IBTK: variants seen among roughly 807,000 people sequenced by gnomAD.
IBTK encodes the protein inhibitor of Bruton tyrosine kinase.
IBTK carries 83 observed loss-of-function variants against 154.9 expected under a neutral mutation model. That is an observed-to-expected ratio of 0.54 (90% CI 0.45 to 0.64). The LOEUF (loss-of-function observed/expected upper bound fraction) is 0.64, where lower values mean the gene tolerates loss of function less well. IBTK is among the 30% of genes least tolerant of loss of function. The pLI, the probability that IBTK is intolerant of heterozygous loss-of-function variation, is 0.00. For missense variants in IBTK, 1,332 were observed against 1,584.6 expected, an observed-to-expected ratio of 0.84 and a Z score of 2.71; for synonymous variants, 515 against 536.1, an observed-to-expected ratio of 0.96 and a Z score of 0.54.
At chr6:82,196,848 C>G (rs993949080) in intron 21 of IBTK, among the ~76,000 whole-genome samples, 3 of 152,130 alleles carry the variant, frequency 2.0e-5, no homozygotes, top group African/African-American at 7.2e-5. Flanking sequence ...GTCTCCGCAC[C>G]CAAGCAAGGG....
At chr6:82,227,040 T>A in intron 5 of IBTK, 152 bp downstream of exon 5, 1 of 531,886 alleles carries the variant, frequency 1.9e-6, no homozygotes, top group Non-Finnish European at 3.3e-6. Flanking sequence ...AATTTAAACA[T>A]GATATATCAG....
chr6:82,240,578 T>C lies in IBTK; in HGVS notation c.-92A>G, dbSNP rs1232556253. On this transcript the variant is annotated 5_prime_UTR_variant, in exon 2 of 29. Transcript: ENST00000306270. ...GACACAAAGGTGCTATTGAGGAAGT[T>C]ACAGAGAATAAATTACCTTTTTAGG... 4.0e-6 allele frequency: 4 copies of C among 995,580 alleles called. No homozygotes were observed. In the South Asian group the frequency reaches 6.3e-5, roughly 16 times the overall value. 61.7% of individuals were successfully genotyped at this position (995,580 alleles called of 1,614,324 possible). A position where few individuals can be genotyped will look rare whatever the true frequency, so the allele number is the denominator to read the frequency against.
intron 3 of IBTK, among the ~76,000 whole-genome samples, chr6:82,232,863 T>C (rs556595002): frequency 2.6e-5 from 4 of 151,732 alleles, no homozygotes; most frequent in African/African-American, 7.3e-5. Context: ...AAAAAAAGTA[T>C]AAAAATTGGC....
In IBTK at chr6:82,200,121, C is replaced by T. The variant is rs1769146552; in HGVS notation, c.3025+20G>A. On this transcript the variant is annotated intron_variant, in intron 21 of 28. Transcript: ENST00000306270. ...ACATAGAAGATTAGAACTGGAAATACATGCTCACTTTCCACGAACCTGTAG... is the reference window on the plus strand; with the variant it reads ...ACATAGAAGATTAGAACTGGAAATATATGCTCACTTTCCACGAACCTGTAG... 1 of 1,408,284 alleles carries T rather than the reference C, an allele frequency of 7.1e-7. No individual in the cohort carries two copies. Among genetic ancestry groups the T allele is most frequent in the African/African-American group, 1.4e-5 (1 of 70,164 alleles). The allele number at this position is 1,408,284 out of a possible 1,614,324, so 87.2% of individuals were successfully genotyped here.
intron 13 of IBTK, 125 bp from the exon 14 acceptor site, chr6:82,211,697 A>C: frequency 1.4e-6 from 1 of 695,726 alleles, no homozygotes; most frequent in Non-Finnish European, 2.5e-6. Flanking sequence ...ACTTGCAGGA[A>C]TACATACAAT....
chr6:82,200,708 T>C lies in IBTK; in HGVS notation c.2791A>G (p.Ile931Val). Residue 931 changes from isoleucine (I) to valine (V), a missense_variant and splice_region_variant, in exon 20 of 29, where the codon ATT becomes GTT. Coordinates refer to ENST00000306270, the MANE Select transcript of IBTK (RefSeq NM_015525.4). ...KDLSEFYRKM[I>V]PAMDRRVITP... ...ATGACTCTTCTATCCATTGCTGGAA[T>C]CTGCAGAATTGAAGATATCACTTTT... 1 of 1,541,472 alleles carries C rather than the reference T, an allele frequency of 6.5e-7. No homozygotes were observed. Among genetic ancestry groups the C allele is most frequent in the African/African-American group, 1.4e-5 (1 of 70,548 alleles).
At chr6:82,204,818 C>A in intron 17 of IBTK, 39 bp downstream of exon 17, 1 of 1,229,664 alleles carries the variant, frequency 8.1e-7, no homozygotes, top group South Asian at 1.4e-5. Flanking sequence ...CCTTGATGAA[C>A]CTGAAAACAT....
At chr6:82,193,678 A>C (rs1376786228) in intron 23 of IBTK, among the ~76,000 whole-genome samples, 1 of 152,006 alleles carries the variant, frequency 6.6e-6, no homozygotes, top group East Asian at 1.9e-4. Context: ...CTACTCATTT[A>C]ACTTTTCTTT....
intron 16 of IBTK, among the ~76,000 whole-genome samples, chr6:82,209,657 ATT>A (rs1360984808): frequency 1.3e-5 from 2 of 152,210 alleles, no homozygotes; most frequent in African/African-American, 4.8e-5. Context: ...AGTTGCACAA[ATT>A]CATAAACATA....
chr6:82,199,242 T>C (rs1769108588), intron 21 of IBTK, among the ~76,000 whole-genome samples: 1 of 152,006 alleles, frequency 6.6e-6, no homozygotes, highest in Admixed American at 6.6e-5. Flanking sequence ...GTATTGTGTG[T>C]GTGTGTGTTT....
rs532737067 is a variant in IBTK, at chr6:82,233,062, G to C, written c.418+1097C>G. Among the ~76,000 whole-genome samples the C allele has an allele frequency of 3.8e-4, 58 of 151,298 alleles. No homozygotes were observed. In the East Asian group the frequency reaches 9.4e-3, roughly 24 times the overall value. On this transcript the variant is annotated intron_variant, in intron 3 of 28. Coordinates refer to ENST00000306270, the MANE Select transcript of IBTK (RefSeq NM_015525.4). ...AGCTACTCAGGAGGCTGAGAGAAGA[G>C]AGCCTCTCAGCTTGAACCCGGGAGG...
chr6:82,197,962 T>G (rs1403034075), intron 21 of IBTK, among the ~76,000 whole-genome samples: 1 of 152,220 alleles, frequency 6.6e-6, no homozygotes, highest in Non-Finnish European at 1.5e-5. Context: ...CTTTTAGTTA[T>G]CTTTGACTAC....
chr6:82,211,708 A>C, intron 13 of IBTK, 136 bp from the exon 14 acceptor site: 1 of 658,244 alleles, frequency 1.5e-6, no homozygotes, highest in Non-Finnish European at 2.7e-6. Context: ...TACATACAAT[A>C]AAATACTTCA....
At chr6:82,227,345 A>AATAAAGG in intron 4 of IBTK, 43 bp from the exon 5 acceptor site, 1 of 1,139,834 alleles carries the variant, frequency 8.8e-7, no homozygotes, top group Non-Finnish European at 1.3e-6. Context: ...CTCTGAATAA[A>AATAAAGG]ATATCCTTTA....
rs1233786517 is a variant in IBTK, at chr6:82,240,292, T to C, written c.195A>G (p.Lys65=). The change falls in exon 2 of 29, where the codon AAA becomes AAG. Residue 65 remains lysine, a synonymous_variant. Coordinates refer to ENST00000306270, the MANE Select transcript of IBTK (RefSeq NM_015525.4). ...TCTGAATAAGCCAATCTAACACTCC[T>C]TTCTTTCCACAGGAGGAAACAAGGT... is the stretch of plus-strand genomic sequence containing the variant. ...ALHLVSSCGK[K]GVLDWLIQKG... 1 of 1,614,218 alleles carries C rather than the reference T, an allele frequency of 6.2e-7. No homozygotes were observed. Among genetic ancestry groups the C allele is most frequent in the Middle Eastern group, 1.6e-4 (1 of 6,062 alleles).
At chr6:82,206,515 G>C (rs1455429124) in intron 16 of IBTK, among the ~76,000 whole-genome samples, 7 of 152,136 alleles carry the variant, frequency 4.6e-5, no homozygotes, top group Non-Finnish European at 1.0e-4. Flanking sequence ...TAATACAATT[G>C]ATGAATTAAT....
chr6:82,192,888 A>G (rs1768825387), intron 23 of IBTK, among the ~76,000 whole-genome samples: 1 of 152,266 alleles, frequency 6.6e-6, no homozygotes, highest in East Asian at 1.9e-4. Flanking sequence ...TCACAAGATC[A>G]GGAATTCAAG....
chr6:82,201,261 A>G (rs1036144701), intron 19 of IBTK, among the ~76,000 whole-genome samples, 161 bp downstream of exon 19: 3 of 152,120 alleles, frequency 2.0e-5, no homozygotes, highest in African/African-American at 7.2e-5. Context: ...TGATTATCAT[A>G]TGTATCTGTG....
At chr6:82,193,256 A>G (rs562813113) in intron 23 of IBTK, among the ~76,000 whole-genome samples, 2 of 152,326 alleles carry the variant, frequency 1.3e-5, no homozygotes, top group Non-Finnish European at 1.5e-5. Context: ...GAGAATGTTT[A>G]TTGCCTATTG....
Sources: allele counts gnomAD v4.1 joint callset (sites outside exome capture counted in the v4.1 genomes callset), GRCh38; gene constraint gnomAD v4.1.1; transcripts MANE v1.5; gene names NCBI Gene and HGNC (gene_info 2026-07-23, HGNC 2026-07-21).